Variants in HS3ST4 observed in about 807,000 individuals in gnomAD.
HS3ST4 encodes the protein heparan sulfate-glucosamine 3-sulfotransferase 4, also known as heparan sulfate glucosamine 3-O-sulfotransferase 4.
HS3ST4 carries 17 observed loss-of-function variants against 29.2 expected under a neutral mutation model. That is an observed-to-expected ratio of 0.58 (90% CI 0.40 to 0.87). The LOEUF (loss-of-function observed/expected upper bound fraction) is 0.87, where lower values mean the gene tolerates loss of function less well. HS3ST4 is among the 40% of genes least tolerant of loss of function. HS3ST4 has a pLI of 0.00. For synonymous variants in HS3ST4, 314 were observed against 285.7 expected, an observed-to-expected ratio of 1.10 and a Z score of -1.00; for missense variants, 627 against 634.5, an observed-to-expected ratio of 0.99 and a Z score of 0.13.
intron 1 of HS3ST4, among the ~76,000 whole-genome samples, chr16:25,788,533 T>C (rs971873102): frequency 1.6e-5 from 2 of 122,992 alleles, no homozygotes; most frequent in Non-Finnish European, 3.3e-5. Flanking sequence ...TTTTTTTTTC[T>C]TTTCTTCTTT....
intron 1 of HS3ST4, among the ~76,000 whole-genome samples, chr16:26,125,562 G>A (rs1444485728): frequency 6.6e-6 from 1 of 152,210 alleles, no homozygotes; most frequent in Non-Finnish European, 1.5e-5. Context: ...GGGGACCCCT[G>A]CTTTAGTAGA....
chr16:25,815,865 C>T (rs1357716796), intron 1 of HS3ST4, among the ~76,000 whole-genome samples: 1 of 152,176 alleles, frequency 6.6e-6, no homozygotes, highest in Admixed American at 6.5e-5. Flanking sequence ...TCCACTGCTC[C>T]CTGAATTCTC....
intron 1 of HS3ST4, among the ~76,000 whole-genome samples, chr16:26,121,533 G>A (rs991464969): frequency 2.0e-5 from 3 of 152,184 alleles, no homozygotes; most frequent in Non-Finnish European, 4.4e-5. Flanking sequence ...AAGACTCAGC[G>A]AGAGCAAACA....
chr16:26,041,983 T>A (rs556568507), intron 1 of HS3ST4, among the ~76,000 whole-genome samples: 54 of 152,286 alleles, frequency 3.5e-4, no homozygotes, highest in Non-Finnish European at 5.9e-4. Context: ...AAGATGTAGG[T>A]AGTAGACCTT....
intron 1 of HS3ST4, among the ~76,000 whole-genome samples, chr16:26,024,687 G>T (rs529840900): frequency 6.6e-6 from 1 of 152,054 alleles, no homozygotes; most frequent in Non-Finnish European, 1.5e-5. Context: ...AGCCAAGATC[G>T]TGCCACTGCC....
At chr16:25,776,507 A>C (rs1427030887) in intron 1 of HS3ST4, among the ~76,000 whole-genome samples, 1 of 152,108 alleles carries the variant, frequency 6.6e-6, no homozygotes, top group Non-Finnish European at 1.5e-5. Flanking sequence ...TGTCTCCCTA[A>C]AATGTACAAA....
chr16:26,106,215 G>T (rs1446454946), intron 1 of HS3ST4, among the ~76,000 whole-genome samples: 1 of 151,958 alleles, frequency 6.6e-6, no homozygotes, highest in Non-Finnish European at 1.5e-5. Context: ...ACAATAGTTG[G>T]CCAGAGACAT....
intron 1 of HS3ST4, among the ~76,000 whole-genome samples, chr16:26,128,132 G>A (rs1279754845): frequency 6.6e-6 from 1 of 151,800 alleles, no homozygotes; most frequent in African/African-American, 2.4e-5. Context: ...TCTCTCGTAG[G>A]CATGTGGCAA....
At chr16:25,904,163 AATGGATGGATGGATGG>A (rs111988239) in intron 1 of HS3ST4, among the ~76,000 whole-genome samples, 3 of 128,862 alleles carry the variant, frequency 2.3e-5, no homozygotes, top group African/African-American at 3.5e-5. Flanking sequence ...TGAATGGATG[AATGGATGGATGGATGG>A]ATGGACGGAT....
intron 1 of HS3ST4, among the ~76,000 whole-genome samples, chr16:25,863,411 G>A (rs955090571): frequency 3.9e-5 from 6 of 152,054 alleles, no homozygotes; most frequent in African/African-American, 1.4e-4. Flanking sequence ...TCTACTCTGT[G>A]GCTTGACTTT....
intron 1 of HS3ST4, among the ~76,000 whole-genome samples, chr16:25,807,627 A>AT (rs1567244195): frequency 6.6e-6 from 1 of 152,156 alleles, no homozygotes; most frequent in African/African-American, 2.4e-5. Context: ...TTTATTTACA[A>AT]TTTTTTAGGT....
chr16:25,952,282 C>T (rs1026559126), intron 1 of HS3ST4, among the ~76,000 whole-genome samples: 6 of 152,154 alleles, frequency 3.9e-5, no homozygotes, highest in Admixed American at 3.3e-4. Flanking sequence ...AATGGTCCTT[C>T]CCATGGGGTG....
intron 1 of HS3ST4, among the ~76,000 whole-genome samples, chr16:26,011,482 C>T (rs552291976): frequency 3.3e-4 from 50 of 152,258 alleles, no homozygotes; most frequent in African/African-American, 1.1e-3. Context: ...AGTGCTTGAA[C>T]GCAGGATGCA....
chr16:25,780,603 C>T (rs1301767096), intron 1 of HS3ST4, among the ~76,000 whole-genome samples: 10 of 152,206 alleles, frequency 6.6e-5, no homozygotes, highest in Admixed American at 6.5e-4. Context: ...CACTAACTCT[C>T]ATGACCTTAG....
intron 1 of HS3ST4, among the ~76,000 whole-genome samples, chr16:25,695,189 A>G (rs1190420151): frequency 6.6e-6 from 1 of 152,188 alleles, no homozygotes; most frequent in Admixed American, 6.5e-5. Flanking sequence ...CCACTCACAG[A>G]ACTGTTAAAG....
intron 1 of HS3ST4, among the ~76,000 whole-genome samples, chr16:25,722,010 C>T (rs755857957): frequency 6.6e-6 from 1 of 152,144 alleles, no homozygotes; most frequent in African/African-American, 2.4e-5. Context: ...CTAGTGCACC[C>T]TATTTTATTA....
At chr16:25,844,436 T>G (rs1386676271) in intron 1 of HS3ST4, among the ~76,000 whole-genome samples, 2 of 152,240 alleles carry the variant, frequency 1.3e-5, no homozygotes, top group Non-Finnish European at 2.9e-5. Flanking sequence ...TTGTAGTTGC[T>G]CTTATTCCTT....
At chr16:25,816,904 C>T (rs1214501267) in intron 1 of HS3ST4, among the ~76,000 whole-genome samples, 1 of 152,144 alleles carries the variant, frequency 6.6e-6, no homozygotes, top group African/African-American at 2.4e-5. Context: ...ACCAATCCCA[C>T]TCCCGAGATA....
intron 1 of HS3ST4, among the ~76,000 whole-genome samples, chr16:26,128,903 A>G (rs1439795790): frequency 6.6e-6 from 1 of 152,084 alleles, no homozygotes; most frequent in African/African-American, 2.4e-5. Flanking sequence ...TGTAACCACC[A>G]TCCTCTTGGG....
Sources: allele counts gnomAD v4.1 joint callset (sites outside exome capture counted in the v4.1 genomes callset), GRCh38; gene constraint gnomAD v4.1.1; transcripts MANE v1.5; gene names NCBI Gene and HGNC (gene_info 2026-07-23, HGNC 2026-07-21).